Variants in LYPD6 observed in about 807,000 individuals in gnomAD.
LYPD6 encodes the protein LY6/PLAUR domain containing 6.
LYPD6 carries 15 observed loss-of-function variants against 22.7 expected under a neutral mutation model. The observed-to-expected ratio is 0.66, with a 90% CI of 0.44 to 1.02. LYPD6 has a LOEUF of 1.02. Ranked by LOEUF, LYPD6 falls within the 50% of genes least tolerant of loss-of-function variation. The pLI is 0.00. For missense variants in LYPD6, 189 were observed against 208.4 expected (o/e 0.91, Z 0.57); for synonymous variants, 72 against 77.5 (o/e 0.93, Z 0.37).
At chr2:149,475,651 G>A (rs2105189733), downstream of LYPD6, among the ~76,000 whole-genome samples, 1 of 152,222 alleles carries the variant, frequency 6.6e-6, no homozygotes, top group East Asian at 1.9e-4. Flanking sequence ...TGGATTGGGG[G>A]ACCTCTACAT....
intron 1 of LYPD6, among the ~76,000 whole-genome samples, chr2:149,350,507 C>T (rs1014474227): frequency 6.6e-6 from 1 of 152,128 alleles, no homozygotes; most frequent in Non-Finnish European, 1.5e-5. Flanking sequence ...CAGGTGTTGG[C>T]TGGAGAGTAG....
chr2:149,434,656 C>G (rs1683390852), intron 1 of LYPD6, among the ~76,000 whole-genome samples: 1 of 152,056 alleles, frequency 6.6e-6, no homozygotes, highest in South Asian at 2.1e-4. Flanking sequence ...AAGAGGCCAA[C>G]CCTGAGGTAT....
intron 3 of LYPD6, among the ~76,000 whole-genome samples, chr2:149,456,289 TATAATGTAC>T (rs2105169725): frequency 6.6e-6 from 1 of 152,312 alleles, no homozygotes; most frequent in Admixed American, 6.5e-5. Flanking sequence ...AACTTTGAAG[TATAATGTAC>T]ATACCAAATA....
At chr2:149,351,130 C>A (rs1681350361) in intron 1 of LYPD6, among the ~76,000 whole-genome samples, 1 of 152,148 alleles carries the variant, frequency 6.6e-6, no homozygotes, top group Non-Finnish European at 1.5e-5. Context: ...TATGGTGGCT[C>A]ACGCCTGTAA....
chr2:149,403,254 G>C (rs1267811834), intron 1 of LYPD6, among the ~76,000 whole-genome samples: 1 of 151,208 alleles, frequency 6.6e-6, no homozygotes, highest in African/African-American at 2.4e-5. Flanking sequence ...CCAGTAATGG[G>C]ATGGCTGGGT....
chr2:149,437,082 G>T (rs1373434739), intron 1 of LYPD6, among the ~76,000 whole-genome samples: 1 of 152,174 alleles, frequency 6.6e-6, no homozygotes, highest in Non-Finnish European at 1.5e-5. Flanking sequence ...ATACATAAAG[G>T]ACTTCAGTAG....
intron 3 of LYPD6, among the ~76,000 whole-genome samples, chr2:149,453,545 T>G (rs1680882342): frequency 6.6e-6 from 1 of 152,208 alleles, no homozygotes; most frequent in Admixed American, 6.5e-5. Flanking sequence ...ACACATATTC[T>G]TTTGGCTCCA....
rs1241343835 is a variant in LYPD6, at chr2:149,471,912, A to T, written c.*1062A>T. ...ATTGTCTTTCGAATGATGGGGAAGC[A>T]AGGCATAATATGCGATGATGAGGAG... On this transcript the variant is annotated 3_prime_UTR_variant, in exon 5 of 5. Coordinates refer to ENST00000334166, the MANE Select transcript of LYPD6 (RefSeq NM_194317.5). The T allele has an allele frequency of 6.6e-6, 1 of 152,614 alleles. No individual in the cohort carries two copies. The highest frequency in any genetic ancestry group is 1.5e-5 in the Non-Finnish European group (1 of 68,024). 9.5% of individuals were successfully genotyped at this position (152,614 alleles called of 1,614,324 possible).
At chr2:149,458,291 T>C (rs1346511117) in intron 3 of LYPD6, among the ~76,000 whole-genome samples, 3 of 152,092 alleles carry the variant, frequency 2.0e-5, no homozygotes, top group Non-Finnish European at 2.9e-5. Context: ...GACTTTCACC[T>C]CCACCAGCAA....
In LYPD6 at chr2:149,449,121, G is replaced by A. The variant is rs1295930936; in HGVS notation, c.191G>A (p.Trp64Ter). ...GCAGACAATTATGAGTGCAACCGAT[G>A]GGCTCCAGACATCTACTGCCCTCGA... ...KAADNYECNRWAPDIYCPRET... is the reference protein window; with the variant it reads ...KAADNYECNR The change falls in exon 3 of 5, where the codon TGG becomes TAG. Residue 64 changes from tryptophan to a stop codon, truncating the protein, a stop_gained. Transcript: ENST00000334166. LOFTEE classifies it high-confidence loss of function. The A allele has an allele frequency of 6.2e-7, 1 of 1,612,934 alleles. No homozygotes were observed. The highest frequency in any genetic ancestry group is 8.5e-7 in the Non-Finnish European group (1 of 1,179,490).
chr2:149,353,917 A>G (rs1432648386), intron 1 of LYPD6, among the ~76,000 whole-genome samples: 1 of 152,198 alleles, frequency 6.6e-6, no homozygotes, highest in African/African-American at 2.4e-5. Context: ...ATGAGGAGCC[A>G]CAAAAGGGTG....
intron 1 of LYPD6, among the ~76,000 whole-genome samples, chr2:149,389,485 C>T (rs72991493): frequency 0.022 from 3,419 of 152,162 alleles, 101 homozygotes; most frequent in African/African-American, 0.077. Context: ...TACAGATATA[C>T]GAAAATTAGA....
At chr2:149,462,408 G>A (rs574285611) in intron 3 of LYPD6, among the ~76,000 whole-genome samples, 1 of 151,468 alleles carries the variant, frequency 6.6e-6, no homozygotes, top group Non-Finnish European at 1.5e-5. Context: ...AAACGTCAAT[G>A]AAAAAAATAA....
intron 1 of LYPD6, among the ~76,000 whole-genome samples, chr2:149,395,383 C>T (rs933858407): frequency 1.3e-5 from 2 of 152,126 alleles, no homozygotes; most frequent in Non-Finnish European, 1.5e-5. Context: ...ATTATATCCA[C>T]ATTAAAAATT....
intron 1 of LYPD6, among the ~76,000 whole-genome samples, chr2:149,360,858 C>T (rs1681558919): frequency 6.6e-6 from 1 of 152,112 alleles, no homozygotes; most frequent in South Asian, 2.1e-4. Flanking sequence ...CCTTTATCTG[C>T]CAGACTCTGA....
chr2:149,423,644 T>C (rs1449609380), intron 1 of LYPD6, among the ~76,000 whole-genome samples: 1 of 152,002 alleles, frequency 6.6e-6, no homozygotes, highest in African/African-American at 2.4e-5. Context: ...CCTGAAATAC[T>C]CTATGCCTCA....
At chr2:149,373,960 A>T (rs1452744983) in intron 1 of LYPD6, among the ~76,000 whole-genome samples, 2 of 152,236 alleles carry the variant, frequency 1.3e-5, no homozygotes, top group Middle Eastern at 3.4e-3. Flanking sequence ...ACTCAGTTGG[A>T]TTTTTAAAGA....
At chr2:149,454,624 A>G (rs1680908862) in intron 3 of LYPD6, among the ~76,000 whole-genome samples, 1 of 152,062 alleles carries the variant, frequency 6.6e-6, no homozygotes. Flanking sequence ...ATTGCTAGGC[A>G]TGGGGCATGT....
At chr2:149,434,064 C>T (rs1344284649) in intron 1 of LYPD6, among the ~76,000 whole-genome samples, 5 of 152,030 alleles carry the variant, frequency 3.3e-5, no homozygotes, top group Admixed American at 1.3e-4. Flanking sequence ...GTTTGCTGCA[C>T]CTGTCAGCCC....
Sources: allele counts gnomAD v4.1 joint callset (sites outside exome capture counted in the v4.1 genomes callset), GRCh38; gene constraint gnomAD v4.1.1; transcripts MANE v1.5; gene names NCBI Gene and HGNC (gene_info 2026-07-23, HGNC 2026-07-21).